SPP2: variants seen among roughly 807,000 people sequenced by gnomAD.
SPP2 encodes secreted phosphoprotein 24.
SPP2 carries 34 observed loss-of-function variants against 28.8 expected under a neutral mutation model. The ratio of observed to expected loss-of-function variants is 1.18; its 90% confidence interval spans 0.90 to 1.57. The LOEUF is 1.57. Ranked by LOEUF, SPP2 falls within the 40% of genes most tolerant of loss-of-function variation. The pLI is 0.00. For missense variants in SPP2, 269 were observed against 263.9 expected (o/e 1.02, Z -0.13); for synonymous variants, 96 against 89.4 (o/e 1.07, Z -0.42).
At chr2:234,061,939 G>C (rs1693727647) in intron 4 of SPP2, among the ~76,000 whole-genome samples, 1 of 152,172 alleles carries the variant, frequency 6.6e-6, no homozygotes, top group Non-Finnish European at 1.5e-5. Flanking sequence ...AGTACCATGG[G>C]CCTCCTTTCT....
intron 2 of SPP2, among the ~76,000 whole-genome samples, chr2:234,052,234 C>G (rs1253789734): frequency 6.6e-6 from 1 of 152,116 alleles, no homozygotes; most frequent in Non-Finnish European, 1.5e-5. Flanking sequence ...GCTGCCACAC[C>G]AAAGGTTGAG....
At chr2:234,055,581 G>A (rs1693589844) in intron 2 of SPP2, among the ~76,000 whole-genome samples, 1 of 151,838 alleles carries the variant, frequency 6.6e-6, no homozygotes, top group South Asian at 2.1e-4. Context: ...TTATATATTT[G>A]TATTTCTTTT....
intron 2 of SPP2, among the ~76,000 whole-genome samples, chr2:234,052,879 T>C (rs1250950135): frequency 6.6e-6 from 1 of 152,194 alleles, no homozygotes; most frequent in East Asian, 1.9e-4. Context: ...TTTCATATTT[T>C]GATTTATGTT....
At chr2:234,060,746 C>T (rs571705415) in intron 4 of SPP2, among the ~76,000 whole-genome samples, 339 of 143,352 alleles carry the variant, frequency 2.4e-3, no homozygotes, top group Non-Finnish European at 3.8e-3. Flanking sequence ...CACACACACA[C>T]GCACACACAC....
chr2:234,055,794 G>A (rs1270450825), intron 2 of SPP2, among the ~76,000 whole-genome samples: 1 of 151,282 alleles, frequency 6.6e-6, no homozygotes, highest in African/African-American at 2.4e-5. Context: ...AATACTGATT[G>A]TAAATTCTCA....
intron 2 of SPP2, among the ~76,000 whole-genome samples, chr2:234,056,624 A>G (rs527972390): frequency 6.8e-4 from 104 of 152,234 alleles, no homozygotes; most frequent in South Asian, 2.5e-3. Flanking sequence ...GCTTCCATCA[A>G]ATTGCTTTTA....
At chr2:234,053,263 C>T (rs1040131135) in intron 2 of SPP2, among the ~76,000 whole-genome samples, 17 of 152,082 alleles carry the variant, frequency 1.1e-4, no homozygotes, top group African/African-American at 4.1e-4. Flanking sequence ...AACATATTTA[C>T]TAGCATGTTA....
chr2:234,050,719 G>C lies in SPP2; in HGVS notation c.-68G>C. 1 of 1,371,896 alleles carries C rather than the reference G, an allele frequency of 7.3e-7. No homozygotes were observed. The highest frequency in any genetic ancestry group is 1.0e-6 in the Non-Finnish European group (1 of 964,982). The allele number at this position is 1,371,896 out of a possible 1,614,324, so 85.0% of individuals were successfully genotyped here. ...AAGCAGCCAGTGTTTGATAAAGACA[G>C]CTCCTCTTAGGAAGAACTGTCATCC... On this transcript the variant is annotated 5_prime_UTR_variant, in exon 1 of 8. Transcript: ENST00000168148.
intron 4 of SPP2, among the ~76,000 whole-genome samples, chr2:234,064,073 T>C (rs977925727): frequency 6.6e-6 from 1 of 152,068 alleles, no homozygotes; most frequent in Non-Finnish European, 1.5e-5. Flanking sequence ...CAGTCCTGTA[T>C]GTGCCACATT....
Position 234,058,846 on chromosome 2 carries a change from T to C in SPP2, c.221T>C (p.Leu74Pro), listed in dbSNP as rs756119652. The C allele has an allele frequency of 7.4e-6, 12 of 1,613,870 alleles. No individual in the cohort carries two copies. In the Middle Eastern group the frequency reaches 4.9e-4, roughly 66 times the overall value. Residue 74 changes from leucine (L) to proline (P), a missense_variant, in exon 3 of 8, where the codon CTA becomes CCA. Leu to Pro is a moderately conservative substitution (Grantham distance 98). Coordinates refer to ENST00000168148, the MANE Select transcript of SPP2 (RefSeq NM_006944.3). The part of the protein sequence containing the change: ...FRSSLKRVEV[L>P]DENNLVMNLE... Reference sequence around the variant, plus strand: ...TTTATTTTTGTGAAGGTTGAGGTCCTAGATGAGAACAACTTGGTCATGAAT... The same window carrying C: ...TTTATTTTTGTGAAGGTTGAGGTCCCAGATGAGAACAACTTGGTCATGAAT...
At chr2:234,075,139 A>G (rs1690871486) in intron 7 of SPP2, among the ~76,000 whole-genome samples, 2 of 152,208 alleles carry the variant, frequency 1.3e-5, no homozygotes, top group South Asian at 4.1e-4. Flanking sequence ...GTTGACTCCA[A>G]GTTTTTGCTG....
intron 6 of SPP2, among the ~76,000 whole-genome samples, chr2:234,068,390 T>A (rs958642671): frequency 3.9e-5 from 6 of 152,346 alleles, no homozygotes; most frequent in South Asian, 2.1e-4. Context: ...TGTCAGAATC[T>A]AAAACCTGTG....
At chr2:234,060,342 G>C (rs1400916660) in intron 3 of SPP2, 27 bp from the exon 4 acceptor site, 3 of 1,530,228 alleles carry the variant, frequency 2.0e-6, no homozygotes, top group Non-Finnish European at 2.7e-6. Context: ...CAGCTGAAGA[G>C]AGAACTCACC....
chr2:234,075,588 G>T lies in SPP2; in HGVS notation c.*11-1257G>T, dbSNP rs117367061. ...CAAGACTTCTTACTCTTCACAGACCGGCTTCTTCCTGCTGCCCCTGAAACC... is the reference window on the plus strand; with the variant it reads ...CAAGACTTCTTACTCTTCACAGACCTGCTTCTTCCTGCTGCCCCTGAAACC... On this transcript the variant is annotated intron_variant, in intron 7 of 7. Coordinates refer to ENST00000168148, the MANE Select transcript of SPP2 (RefSeq NM_006944.3). 2.0e-5 allele frequency among the ~76,000 whole-genome samples: 3 copies of T among 152,190 alleles called. No homozygotes were observed. The East Asian group carries it at 5.8e-4, about 30-fold the overall frequency.
At chr2:234,062,977 G>T (rs760331618) in intron 4 of SPP2, among the ~76,000 whole-genome samples, 5 of 152,108 alleles carry the variant, frequency 3.3e-5, no homozygotes, top group Non-Finnish European at 7.4e-5. Context: ...CTTCTTAAAG[G>T]TTAGGTGATC....
chr2:234,058,606 T>C (rs1458867381), intron 2 of SPP2, among the ~76,000 whole-genome samples: 2 of 152,238 alleles, frequency 1.3e-5, no homozygotes, highest in African/African-American at 4.8e-5. Flanking sequence ...TTAGAACACC[T>C]ACATTCTGGT....
chr2:234,067,980 G>C (rs1427235305), intron 6 of SPP2, among the ~76,000 whole-genome samples: 1 of 151,498 alleles, frequency 6.6e-6, no homozygotes, highest in Non-Finnish European at 1.5e-5. Flanking sequence ...TACATTTATG[G>C]GGTACATGAG....
At chr2:234,072,828 G>C (rs1343188247) in intron 7 of SPP2, among the ~76,000 whole-genome samples, 1 of 152,130 alleles carries the variant, frequency 6.6e-6, no homozygotes. Context: ...ACCTCTCAGG[G>C]TGCAATTCCT....
rs1321961624 is a variant in SPP2, at chr2:234,058,821, T to C, written c.211-15T>C. The C allele has an allele frequency of 6.2e-6, 10 of 1,611,154 alleles. 1 individual carries two copies. The highest frequency in any genetic ancestry group is 5.0e-5 in the Admixed American group (3 of 59,676). On this transcript the variant is annotated splice_polypyrimidine_tract_variant and intron_variant, in intron 2 of 7. Coordinates refer to ENST00000168148, the MANE Select transcript of SPP2 (RefSeq NM_006944.3). ...AAATGCATTGATCACACTCTGAAAC[T>C]TTATTTTTGTGAAGGTTGAGGTCCT...
Sources: gnomAD v4.1 joint callset for allele counts (sites outside exome capture counted in the v4.1 genomes callset) on GRCh38, gnomAD v4.1.1 for gene constraint, MANE v1.5 for transcripts, NCBI Gene and HGNC (gene_info 2026-07-23, HGNC 2026-07-21) for gene names.